ITGA6: variants seen among roughly 807,000 people sequenced by gnomAD.
ITGA6 encodes integrin subunit alpha 6.
Under a neutral mutation model 133.6 loss-of-function variants are expected in ITGA6, and 63 were observed. That is an observed-to-expected ratio of 0.47 (90% CI 0.38 to 0.58). The LOEUF is 0.58. ITGA6 is among the 20% of genes least tolerant of loss of function. The pLI is 0.00. For missense variants in ITGA6, 1,068 were observed against 1,309.4 expected (o/e 0.82, Z 2.85); for synonymous variants, 434 against 482.0 (o/e 0.90, Z 1.30).
chr2:172,485,833 C>G (rs1686641519), intron 13 of ITGA6, among the ~76,000 whole-genome samples: 1 of 152,108 alleles, frequency 6.6e-6, no homozygotes, highest in Non-Finnish European at 1.5e-5. Context: ...CAAGGTTAGC[C>G]CGGGCAGCTA....
chr2:172,448,561 G>T (rs1046803891), intron 1 of ITGA6, among the ~76,000 whole-genome samples: 2 of 152,110 alleles, frequency 1.3e-5, no homozygotes, highest in Non-Finnish European at 2.9e-5. Context: ...GATAGCTGTT[G>T]GGGCATTATT....
At chr2:172,481,105 G>A (rs1027904995) in intron 11 of ITGA6, 3 of 152,184 alleles carry the variant, frequency 2.0e-5, no homozygotes, top group African/African-American at 4.8e-5. Context: ...CTAGTGTACT[G>A]TATCTGCCAC....
In ITGA6 at chr2:172,505,923, G is replaced by A. The variant is rs1310583242; in HGVS notation, c.*1855G>A. On this transcript the variant is annotated 3_prime_UTR_variant, in exon 26 of 26. Coordinates refer to ENST00000684293, the MANE Select transcript of ITGA6 (RefSeq NM_000210.4). ...GTGTTTAGATTGCTAGATTGCTAAG[G>A]AGCTGATACTTTGACAGTGTTTTTA... The A allele has an allele frequency of 2.6e-5, 4 of 152,512 alleles. No homozygotes were observed. The highest frequency in any genetic ancestry group is 5.9e-5 in the Non-Finnish European group (4 of 68,012). 9.4% of individuals were successfully genotyped at this position (152,512 alleles called of 1,614,324 possible).
At chr2:172,462,437 T>C (rs903948650) in intron 1 of ITGA6, among the ~76,000 whole-genome samples, 1 of 152,196 alleles carries the variant, frequency 6.6e-6, no homozygotes, top group Non-Finnish European at 1.5e-5. Context: ...GCAGGTCTCT[T>C]TTCGAATCTG....
chr2:172,491,197 G>T lies in ITGA6; in HGVS notation c.2779-24G>T. The T allele has an allele frequency of 6.7e-7, 1 of 1,502,938 alleles. No homozygotes were observed. The highest frequency in any genetic ancestry group is 1.1e-5 in the South Asian group (1 of 88,836). 93.1% of individuals were successfully genotyped at this position (1,502,938 alleles called of 1,614,324 possible). A position where few individuals can be genotyped will look rare whatever the true frequency, so the allele number is the denominator to read the frequency against. ...TTTCTTCAGAACAATGTCTTTTGAT[G>T]ACCATTCTTCTTTTTCTCTCTAGAA... On this transcript the variant is annotated intron_variant, in intron 21 of 25. Coordinates refer to ENST00000684293, the MANE Select transcript of ITGA6 (RefSeq NM_000210.4). The surrounding 1 kb of genome is among the most constrained non-coding windows in gnomAD (Gnocchi z 4.4).
intron 11 of ITGA6, among the ~76,000 whole-genome samples, chr2:172,484,045 G>A (rs1686560217): frequency 2.0e-5 from 3 of 152,088 alleles, no homozygotes; most frequent in Admixed American, 2.0e-4. Flanking sequence ...TCCTGATTTC[G>A]GGTGATCCAC....
chr2:172,450,320 G>A (rs1452134844), intron 1 of ITGA6, among the ~76,000 whole-genome samples: 2 of 152,202 alleles, frequency 1.3e-5, no homozygotes, highest in Non-Finnish European at 2.9e-5. Flanking sequence ...GGTGGAACAA[G>A]AGTAGAAGCA....
At chr2:172,493,832 G>A (rs1219503638) in intron 23 of ITGA6, among the ~76,000 whole-genome samples, 1 of 152,218 alleles carries the variant, frequency 6.6e-6, no homozygotes, top group African/African-American at 2.4e-5. Flanking sequence ...TCTGGAAGAT[G>A]ATGGAACTCT....
chr2:172,490,720 ATC>A (rs1686885046), intron 20 of ITGA6: 2 of 349,388 alleles, frequency 5.7e-6, no homozygotes, highest in South Asian at 4.9e-5. Flanking sequence ...TTGATCTCTG[ATC>A]TCAGTATGCC....
intron 2 of ITGA6, among the ~76,000 whole-genome samples, chr2:172,467,050 A>G (rs948032257): frequency 1.3e-5 from 2 of 152,336 alleles, no homozygotes; most frequent in Non-Finnish European, 1.5e-5. Context: ...CTGTTAAATA[A>G]AAAAATTGGG....
At chr2:172,427,999 C>T (rs765517528) in intron 1 of ITGA6, 29 bp downstream of exon 1, 14 of 1,587,698 alleles carry the variant, frequency 8.8e-6, no homozygotes, top group Non-Finnish European at 1.1e-5. Flanking sequence ...CCCACCCCCA[C>T]TGGGGCGCCG....
intron 23 of ITGA6, among the ~76,000 whole-genome samples, chr2:172,497,552 G>C (rs1301009323): frequency 2.0e-5 from 3 of 151,212 alleles, no homozygotes; most frequent in South Asian, 2.1e-4. Context: ...TACCAGGTTA[G>C]ATAGATAGAA....
rs3792259 is a variant in ITGA6 at position 172,498,242 on chromosome 2, G to C, written c.3114+142G>C. 116,871 of 807,132 alleles carry C rather than the reference G, an allele frequency of 0.14. 11,793 individuals carry two copies. The highest frequency in any genetic ancestry group is 0.46 in the African/African-American group (26,402 of 57,724). 50.0% of individuals were successfully genotyped at this position (807,132 alleles called of 1,614,324 possible). ...GAAACTCTTTTGACATAGCAAATTTGAGGAAAATTTTACCATGAACACCTG... is the reference window on the plus strand; with the variant it reads ...GAAACTCTTTTGACATAGCAAATTTCAGGAAAATTTTACCATGAACACCTG... On this transcript the variant is annotated intron_variant, in intron 24 of 25. Coordinates refer to ENST00000684293, the MANE Select transcript of ITGA6 (RefSeq NM_000210.4).
In ITGA6 at chr2:172,504,284, C is replaced by G; in HGVS notation, c.*216C>G. ...CCTAAAAAAAAAAAGCTTCACAGTA[C>G]CCAAACTGCTTTTTCCAACTCAGAA... On this transcript the variant is annotated 3_prime_UTR_variant, in exon 26 of 26. Transcript: ENST00000684293. The G allele has an allele frequency of 4.1e-6, 6 of 1,480,258 alleles. No homozygotes were observed. The highest frequency in any genetic ancestry group is 5.4e-6 in the Non-Finnish European group (6 of 1,106,184). 91.7% of individuals were successfully genotyped at this position (1,480,258 alleles called of 1,614,324 possible).
At chr2:172,470,217 C>G (rs1685861578) in intron 4 of ITGA6, among the ~76,000 whole-genome samples, 1 of 152,182 alleles carries the variant, frequency 6.6e-6, no homozygotes, top group Non-Finnish European at 1.5e-5. Flanking sequence ...ACACCTTTCT[C>G]TGTGTGCAAT....
chr2:172,474,337 G>A, intron 6 of ITGA6, 72 bp downstream of exon 6: 1 of 1,341,266 alleles, frequency 7.5e-7, no homozygotes, highest in South Asian at 1.2e-5. Context: ...GACTGGAGAA[G>A]AGCCGTCCTT....
intron 20 of ITGA6, 182 bp downstream of exon 20, chr2:172,489,840 T>C (rs1201103359): frequency 3.3e-6 from 2 of 600,864 alleles, no homozygotes; most frequent in African/African-American, 1.9e-5. Context: ...TTTTTGCTGG[T>C]TAATGACCAT....
chr2:172,457,438 A>G (rs1685257163), intron 1 of ITGA6, among the ~76,000 whole-genome samples: 1 of 152,184 alleles, frequency 6.6e-6, no homozygotes, highest in South Asian at 2.1e-4. Context: ...TGGGTTAGGC[A>G]TTGCTCTCTG....
intron 9 of ITGA6, 63 bp downstream of exon 9, chr2:172,476,576 C>T (rs1190426938): frequency 2.1e-6 from 2 of 964,486 alleles, no homozygotes; most frequent in Non-Finnish European, 3.4e-6. Context: ...AAAATGTTGA[C>T]CTTTTGGACT....
Sources: gnomAD v4.1 joint callset for allele counts (sites outside exome capture counted in the v4.1 genomes callset) on GRCh38, gnomAD v4.1.1 for gene constraint, Gnocchi (gnomAD v3.1) non-coding constraint, MANE v1.5 for transcripts, NCBI Gene and HGNC (gene_info 2026-07-23, HGNC 2026-07-21) for gene names.